The following PHACTR1 variants were observed in gnomAD, a reference collection of about 807,000 sequenced individuals.
The protein encoded by PHACTR1 is phosphatase and actin regulator 1.
A neutral mutation model predicts 69.2 loss-of-function variants in PHACTR1; 16 were observed. The observed-to-expected ratio is 0.23, with a 90% confidence interval of 0.16 to 0.35. PHACTR1 has a LOEUF of 0.35. Among genes scored for constraint, PHACTR1 ranks in the 10% least tolerant of loss-of-function variants. PHACTR1 has a pLI of 1.00. For missense variants in PHACTR1, 510 were observed against 734.7 expected (o/e 0.69, Z 3.54); for synonymous variants, 312 against 284.5 (o/e 1.10, Z -0.97).
At chr6:12,877,249 A>G (rs1782617576) in intron 4 of PHACTR1, among the ~76,000 whole-genome samples, 1 of 152,228 alleles carries the variant, frequency 6.6e-6, no homozygotes, top group Non-Finnish European at 1.5e-5. Context: ...AAAGGGTTGC[A>G]GTAGAATGAC....
chr6:12,902,973 A>G (rs1346634123), intron 4 of PHACTR1, among the ~76,000 whole-genome samples: 1 of 152,162 alleles, frequency 6.6e-6, no homozygotes, highest in Admixed American at 6.5e-5. Context: ...GCCTTCCTCC[A>G]TGAGTTCCAA....
At chr6:12,961,598 T>G (rs1792739341) in intron 4 of PHACTR1, among the ~76,000 whole-genome samples, 1 of 152,212 alleles carries the variant, frequency 6.6e-6, no homozygotes, top group African/African-American at 2.4e-5. Flanking sequence ...TTAAAGAAAT[T>G]GACCTCCCAA....
At chr6:13,143,161 TG>T (rs1822767456) in intron 5 of PHACTR1, among the ~76,000 whole-genome samples, 1 of 152,104 alleles carries the variant, frequency 6.6e-6, no homozygotes, top group South Asian at 2.1e-4. Flanking sequence ...GGAAGGGAAG[TG>T]GAGATGGTTA....
intron 4 of PHACTR1, among the ~76,000 whole-genome samples, chr6:12,915,798 C>G (rs772196304): frequency 2.0e-5 from 3 of 152,188 alleles, no homozygotes; most frequent in Non-Finnish European, 2.9e-5. Flanking sequence ...TTCGTCACCC[C>G]TACCACCTCT....
At chr6:13,088,520 T>C (rs373583474) in intron 5 of PHACTR1, among the ~76,000 whole-genome samples, 4 of 152,216 alleles carry the variant, frequency 2.6e-5, no homozygotes, top group African/African-American at 9.7e-5. Context: ...TCCCAAACTT[T>C]TTTTGAGTAA....
chr6:12,738,741 T>G lies in PHACTR1; in HGVS notation c.104-10903T>G, dbSNP rs1380462498. Among the ~76,000 whole-genome samples the G allele has an allele frequency of 6.6e-5, 10 of 152,226 alleles. No homozygotes were observed. The South Asian group carries it at 2.1e-3, about 32-fold the overall frequency. The stretch of plus-strand genomic sequence containing the variant: ...AGCCAGACGTCATGGTGTGCGCTTG[T>G]AGTCCCGGCTACTCAAGTGGGCTGA... On this transcript the variant is annotated intron_variant, in intron 3 of 14. Coordinates refer to ENST00000332995, the MANE Select transcript of PHACTR1 (RefSeq NM_030948.6).
intron 4 of PHACTR1, among the ~76,000 whole-genome samples, chr6:12,868,307 A>G (rs1350632575): frequency 6.6e-6 from 1 of 151,910 alleles, no homozygotes; most frequent in Admixed American, 6.6e-5. Flanking sequence ...GCACATGTCA[A>G]CCCTTCTAAC....
intron 4 of PHACTR1, among the ~76,000 whole-genome samples, chr6:12,950,256 C>T (rs1418551797): frequency 6.6e-6 from 1 of 152,160 alleles, no homozygotes; most frequent in East Asian, 1.9e-4. Flanking sequence ...GCATGGCGGC[C>T]TCAAAGCAGT....
intron 4 of PHACTR1, among the ~76,000 whole-genome samples, chr6:13,021,219 C>A (rs985555841): frequency 6.6e-6 from 1 of 152,178 alleles, no homozygotes; most frequent in Non-Finnish European, 1.5e-5. Flanking sequence ...CTATAGGTTT[C>A]CCTATTCTGG....
intron 7 of PHACTR1, among the ~76,000 whole-genome samples, chr6:13,183,059 A>G (rs997275187): frequency 2.0e-5 from 3 of 152,188 alleles, no homozygotes; most frequent in African/African-American, 7.2e-5. Flanking sequence ...GTCTGTCTGA[A>G]AGGTCCTTTA....
chr6:12,975,454 A>G (rs1428084465), intron 4 of PHACTR1, among the ~76,000 whole-genome samples: 1 of 152,222 alleles, frequency 6.6e-6, no homozygotes. Flanking sequence ...TTTTCTCTAT[A>G]TCCATTCTTC....
chr6:13,173,301 A>G (rs929584774), intron 6 of PHACTR1, among the ~76,000 whole-genome samples: 3 of 152,266 alleles, frequency 2.0e-5, no homozygotes, highest in Non-Finnish European at 4.4e-5. Flanking sequence ...AAGACTATCA[A>G]GTCTTTTTAA....
At chr6:12,914,756 A>G (rs1786786306) in intron 4 of PHACTR1, among the ~76,000 whole-genome samples, 2 of 152,204 alleles carry the variant, frequency 1.3e-5, no homozygotes, top group East Asian at 3.8e-4. Flanking sequence ...TTAAACTATG[A>G]CAGTGGAGTA....
intron 5 of PHACTR1, among the ~76,000 whole-genome samples, chr6:13,078,360 G>T (rs1045691095): frequency 3.3e-5 from 5 of 152,150 alleles, no homozygotes; most frequent in Middle Eastern, 3.2e-3. Context: ...AGTCATATTG[G>T]ATTAGGGACT....
At chr6:12,852,288 C>A (rs1457485442) in intron 4 of PHACTR1, among the ~76,000 whole-genome samples, 2 of 152,146 alleles carry the variant, frequency 1.3e-5, no homozygotes, top group African/African-American at 4.8e-5. Flanking sequence ...TTTTCTTCCT[C>A]CCTATCCTAT....
chr6:12,998,135 T>C (rs983359903), intron 4 of PHACTR1, among the ~76,000 whole-genome samples: 3 of 152,118 alleles, frequency 2.0e-5, no homozygotes, highest in African/African-American at 7.2e-5. Context: ...CTGCGCAATA[T>C]GCAGTACTCA....
chr6:13,281,554 C>T (rs1004218803), intron 12 of PHACTR1: 1 of 193,952 alleles, frequency 5.2e-6, no homozygotes, highest in African/African-American at 2.4e-5. Context: ...GAGACTCCGT[C>T]TAAAAAAAGA....
At chr6:12,827,613 T>A (rs1182091397) in intron 4 of PHACTR1, among the ~76,000 whole-genome samples, 1 of 152,128 alleles carries the variant, frequency 6.6e-6, no homozygotes, top group East Asian at 1.9e-4. Flanking sequence ...GCAACATATA[T>A]CCTCACACAG....
chr6:13,278,240 A>T, intron 11 of PHACTR1, 28 bp from the exon 12 acceptor site: 1 of 1,557,848 alleles, frequency 6.4e-7, no homozygotes, highest in Admixed American at 1.9e-5. Context: ...TTACTGAAAT[A>T]AAAAAACATC....
Sources: gnomAD v4.1 joint callset for allele counts (sites outside exome capture counted in the v4.1 genomes callset) on GRCh38, gnomAD v4.1.1 for gene constraint, MANE v1.5 for transcripts, NCBI Gene and HGNC (gene_info 2026-07-23, HGNC 2026-07-21) for gene names.